Variants in CLIC4 observed in about 807,000 individuals in gnomAD.
The protein encoded by CLIC4 is chloride intracellular channel protein 4.
CLIC4 carries 13 observed loss-of-function variants against 24.6 expected under a neutral mutation model. The observed-to-expected ratio is 0.53, with a 90% CI of 0.34 to 0.84. CLIC4 has a LOEUF of 0.84. Ranked by LOEUF, CLIC4 falls within the 40% of genes least tolerant of loss-of-function variation. The probability of loss-of-function intolerance (pLI) is 0.01; values close to 1 mark genes in which losing one functional copy is unlikely to be tolerated. For missense variants in CLIC4, 227 were observed against 301.7 expected (o/e 0.75, Z 1.83); for synonymous variants, 104 against 111.3 (o/e 0.93, Z 0.41).
At chr1:24,757,971 C>T (rs1571229903) in intron 1 of CLIC4, among the ~76,000 whole-genome samples, 1 of 152,062 alleles carries the variant, frequency 6.6e-6, no homozygotes, top group East Asian at 1.9e-4. Flanking sequence ...GTTGCCCAGG[C>T]TGGTCTCAAA....
chr1:24,762,567 G>A (rs1638941030), intron 1 of CLIC4, among the ~76,000 whole-genome samples: 1 of 152,186 alleles, frequency 6.6e-6, no homozygotes, highest in African/African-American at 2.4e-5. Context: ...AACTGTGGGG[G>A]AACAGTAGTG....
chr1:24,808,966 C>T (rs1411152171), intron 2 of CLIC4, among the ~76,000 whole-genome samples: 1 of 152,152 alleles, frequency 6.6e-6, no homozygotes, highest in Non-Finnish European at 1.5e-5. Flanking sequence ...ACGTGAGCCA[C>T]TGCACATGGC....
intron 1 of CLIC4, among the ~76,000 whole-genome samples, chr1:24,758,369 C>T (rs1638877746): frequency 1.3e-5 from 2 of 150,696 alleles, no homozygotes; most frequent in African/African-American, 4.9e-5. Context: ...AATCTCAGCT[C>T]ACTGCAACCT....
intron 3 of CLIC4, among the ~76,000 whole-genome samples, chr1:24,817,598 C>G (rs1022330395): frequency 1.3e-5 from 2 of 152,178 alleles, no homozygotes; most frequent in African/African-American, 4.8e-5. Context: ...CTGTTTTTCT[C>G]TATCATTTGT....
intron 1 of CLIC4, among the ~76,000 whole-genome samples, chr1:24,789,393 C>G (rs548128732): frequency 1.3e-5 from 2 of 152,268 alleles, no homozygotes; most frequent in African/African-American, 2.4e-5. Flanking sequence ...TGATGTGTGC[C>G]TATAATCCCA....
rs112056824 is a variant in CLIC4 at position 24,797,016 on chromosome 1, C to T, written c.73-726C>T. 4.8e-4 allele frequency among the ~76,000 whole-genome samples: 72 copies of T among 150,586 alleles called. 1 individual carries two copies. Among genetic ancestry groups the T allele is most frequent in the African/African-American group, 1.4e-3 (59 of 41,158 alleles). On this transcript the variant is annotated intron_variant, in intron 1 of 5. Coordinates refer to ENST00000374379, the MANE Select transcript of CLIC4 (RefSeq NM_013943.3). The stretch of plus-strand genomic sequence containing the variant: ...GTCGCCCAGGCTGGAGTGCATGGCA[C>T]GATCTCAGCACACTGCAACCTCTGT...
At chr1:24,803,484 T>C (rs1342978535) in intron 2 of CLIC4, among the ~76,000 whole-genome samples, 1 of 152,248 alleles carries the variant, frequency 6.6e-6, no homozygotes, top group Non-Finnish European at 1.5e-5. Context: ...ATGACTATGC[T>C]GGTAGTATTC....
chr1:24,835,758 G>T (rs1037336476), intron 4 of CLIC4, among the ~76,000 whole-genome samples: 3 of 152,106 alleles, frequency 2.0e-5, no homozygotes, highest in Non-Finnish European at 2.9e-5. Context: ...AATAGAGGTG[G>T]AAATAGAGGA....
intron 3 of CLIC4, among the ~76,000 whole-genome samples, chr1:24,822,598 A>G (rs1639746648): frequency 6.6e-6 from 1 of 152,038 alleles, no homozygotes; most frequent in South Asian, 2.1e-4. Flanking sequence ...TGGCCTCCCA[A>G]AGTGCTGGGA....
chr1:24,843,991 G>A lies in CLIC4; in HGVS notation c.*3054G>A, dbSNP rs1639968341. On this transcript the variant is annotated 3_prime_UTR_variant, in exon 6 of 6. Transcript: ENST00000374379. The stretch of plus-strand genomic sequence containing the variant: ...ATTTAAGCATTTAATTCAAAGAGAG[G>A]GGAGCATCCATTATTGATACATGTG... 1 of 152,470 alleles carries A rather than the reference G, an allele frequency of 6.6e-6. No individual in the cohort carries two copies. Among genetic ancestry groups the A allele is most frequent in the African/African-American group, 2.4e-5 (1 of 41,402 alleles). 9.4% of individuals were successfully genotyped at this position (152,470 alleles called of 1,614,324 possible).
intron 1 of CLIC4, among the ~76,000 whole-genome samples, chr1:24,747,365 C>G (rs1638713403): frequency 6.6e-6 from 1 of 151,460 alleles, no homozygotes; most frequent in Admixed American, 6.6e-5. Context: ...GAAACCCCAT[C>G]TCTACTAAAA....
chr1:24,757,912 C>T (rs530236147), intron 1 of CLIC4, among the ~76,000 whole-genome samples: 10 of 151,988 alleles, frequency 6.6e-5, no homozygotes, highest in South Asian at 2.1e-4. Flanking sequence ...GGACCACAGG[C>T]GCATGCCACC....
rs980718730 is a variant in CLIC4, at chr1:24,842,598, TAAG to T, written c.*1664_*1666del. On this transcript the variant is annotated 3_prime_UTR_variant, in exon 6 of 6. Coordinates refer to ENST00000374379, the MANE Select transcript of CLIC4 (RefSeq NM_013943.3). ...TCATTAATTAGCTTAGTATGAAAGA[TAAG>T]AAAATCTCCATGTTGTATCCATTTG... 46 of 152,294 alleles carry T rather than the reference TAAG, an allele frequency of 3.0e-4. No individual in the cohort carries two copies. Among genetic ancestry groups the T allele is most frequent in the African/African-American group, 1.1e-3 (46 of 41,564 alleles). 9.4% of individuals were successfully genotyped at this position (152,294 alleles called of 1,614,324 possible).
chr1:24,792,296 T>TCCTCCTAC (rs1272009324), intron 1 of CLIC4, among the ~76,000 whole-genome samples: 2 of 151,960 alleles, frequency 1.3e-5, no homozygotes, highest in Non-Finnish European at 2.9e-5. Context: ...GCTCCAGTGA[T>TCCTCCTAC]CCTCCTACCT....
At chr1:24,807,772 A>G (rs1224342189) in intron 2 of CLIC4, among the ~76,000 whole-genome samples, 2 of 152,130 alleles carry the variant, frequency 1.3e-5, no homozygotes, top group South Asian at 2.1e-4. Flanking sequence ...CCTTTATCTA[A>G]TCTACCGTGT....
At chr1:24,748,499 GTTTTTTTTTTT>G (rs869153638) in intron 1 of CLIC4, among the ~76,000 whole-genome samples, 2 of 80,608 alleles carry the variant, frequency 2.5e-5, no homozygotes, top group African/African-American at 4.9e-5. Context: ...CAGGTTTTTT[GTTTTTTTTTTT>G]TTTTTTTTTT....
chr1:24,751,570 T>C (rs12758422), intron 1 of CLIC4, among the ~76,000 whole-genome samples: 89,122 of 152,088 alleles, frequency 0.59, 28,335 homozygotes, highest in Non-Finnish European at 0.71. Context: ...TTCTTGGCTA[T>C]GTCCAGAATT....
At chr1:24,789,024 C>T (rs1381378359) in intron 1 of CLIC4, among the ~76,000 whole-genome samples, 1 of 152,218 alleles carries the variant, frequency 6.6e-6, no homozygotes, top group Non-Finnish European at 1.5e-5. Flanking sequence ...ATAAATTTAA[C>T]CAATCTTTTA....
intron 1 of CLIC4, among the ~76,000 whole-genome samples, chr1:24,784,168 G>A (rs1462122018): frequency 1.3e-5 from 2 of 152,056 alleles, no homozygotes; most frequent in Non-Finnish European, 2.9e-5. Flanking sequence ...AAAGATTCAT[G>A]TCCATATTAC....
Sources: allele counts gnomAD v4.1 joint callset (sites outside exome capture counted in the v4.1 genomes callset), GRCh38; gene constraint gnomAD v4.1.1; transcripts MANE v1.5; gene names NCBI Gene and HGNC (gene_info 2026-07-23, HGNC 2026-07-21).